Variants in CENPP observed in about 807,000 individuals in gnomAD.
CENPP encodes the protein centromere protein P.
In CENPP, 24 loss-of-function variants were observed where a neutral mutation model predicts 35.6. The ratio of observed to expected loss-of-function variants is 0.67; its 90% CI spans 0.49 to 0.95. CENPP has a LOEUF of 0.95. Among genes scored for constraint, CENPP ranks in the 40% least tolerant of loss-of-function variants. The pLI is 0.00. For synonymous variants in CENPP, 120 were observed against 125.5 expected, an observed-to-expected ratio of 0.96 and a Z score of 0.29; for missense variants, 332 against 345.3, an observed-to-expected ratio of 0.96 and a Z score of 0.31.
intron 2 of CENPP, among the ~76,000 whole-genome samples, chr9:92,334,716 C>T (rs1035940694): frequency 6.6e-6 from 1 of 151,870 alleles, no homozygotes; most frequent in Non-Finnish European, 1.5e-5. Flanking sequence ...CCCATCTCTA[C>T]TAAAAATACA....
At chr9:92,363,777 T>C (rs546574939) in intron 4 of CENPP, among the ~76,000 whole-genome samples, 58 of 152,222 alleles carry the variant, frequency 3.8e-4, no homozygotes, top group Non-Finnish European at 7.8e-4. Context: ...TTCTTCCATA[T>C]TGAGAAACTT....
chr9:92,614,096 ATCGTG>A lies in CENPP; in HGVS notation c.*950_*954del, dbSNP rs984157029. 6.6e-6 allele frequency: 1 copy of A among 152,238 alleles called. No individual in the cohort carries two copies. Among genetic ancestry groups the A allele is most frequent in the African/African-American group, 2.4e-5 (1 of 41,426 alleles). The allele number at this position is 152,238 out of a possible 1,614,324, so 9.4% of individuals were successfully genotyped here. On this transcript the variant is annotated 3_prime_UTR_variant, in exon 8 of 8. Coordinates refer to ENST00000375587, the MANE Select transcript of CENPP (RefSeq NM_001012267.3). ...TCTCCCTCAAATACAGGCTGTTTTC[ATCGTG>A]TCTAGTCCAGCCCTGTCTGGGCCCT... is the stretch of plus-strand genomic sequence containing the variant.
At chr9:92,441,447 A>G (rs948762065) in intron 5 of CENPP, among the ~76,000 whole-genome samples, 1 of 152,176 alleles carries the variant, frequency 6.6e-6, no homozygotes, top group Non-Finnish European at 1.5e-5. Flanking sequence ...GGGGAAATGT[A>G]TAGGTTAAAA....
At chr9:92,515,151 A>G (rs1472681473) in intron 5 of CENPP, 1 of 1,609,902 alleles carries the variant, frequency 6.2e-7, no homozygotes, top group Non-Finnish European at 8.5e-7. Flanking sequence ...AAGAATCACC[A>G]GAAAATTCAT....
At chr9:92,504,496 T>C (rs1186653633) in intron 5 of CENPP, among the ~76,000 whole-genome samples, 1 of 152,118 alleles carries the variant, frequency 6.6e-6, no homozygotes, top group Non-Finnish European at 1.5e-5. Flanking sequence ...TGCCAGTATG[T>C]ATAGACTCTC....
chr9:92,359,411 C>A (rs1039405137), intron 4 of CENPP, among the ~76,000 whole-genome samples: 9 of 151,794 alleles, frequency 5.9e-5, no homozygotes, highest in Non-Finnish European at 1.3e-4. Flanking sequence ...TTTATTTATT[C>A]ATATTTTTGT....
chr9:92,507,416 A>G (rs1054910563), intron 5 of CENPP, among the ~76,000 whole-genome samples: 1 of 152,246 alleles, frequency 6.6e-6, no homozygotes, highest in Admixed American at 6.5e-5. Context: ...ACTGAGAGAA[A>G]AAGAGAGAAA....
intron 5 of CENPP, among the ~76,000 whole-genome samples, chr9:92,592,300 C>T (rs1269404873): frequency 1.3e-5 from 2 of 152,178 alleles, no homozygotes; most frequent in African/African-American, 4.8e-5. Context: ...CCTTTCCATT[C>T]ATTCTCCAGC....
chr9:92,509,110 G>C (rs1187219994), intron 5 of CENPP, among the ~76,000 whole-genome samples: 1 of 151,586 alleles, frequency 6.6e-6, no homozygotes, highest in African/African-American at 2.4e-5. Flanking sequence ...CAGAAGAGGG[G>C]CCATTTCCAG....
At chr9:92,369,807 G>C (rs762121457) in intron 4 of CENPP, among the ~76,000 whole-genome samples, 27 of 152,214 alleles carry the variant, frequency 1.8e-4, no homozygotes. Flanking sequence ...TTTTCCAATT[G>C]GGATGCCTTT....
At chr9:92,512,056 A>G (rs2296667) in intron 5 of CENPP, 608,870 of 1,611,818 alleles carry the variant, frequency 0.38, 121,750 homozygotes, top group African/African-American at 0.71. Flanking sequence ...TATTATTTTT[A>G]CTCAGATCAA....
intron 5 of CENPP, among the ~76,000 whole-genome samples, chr9:92,390,274 T>A (rs1273972413): frequency 6.6e-6 from 1 of 152,178 alleles, no homozygotes; most frequent in Non-Finnish European, 1.5e-5. Flanking sequence ...TCCTAGAATC[T>A]CAGGTTTGAA....
intron 5 of CENPP, among the ~76,000 whole-genome samples, chr9:92,589,200 G>A (rs932809757): frequency 4.0e-5 from 6 of 151,640 alleles, no homozygotes; most frequent in Admixed American, 6.6e-5. Flanking sequence ...TTAGCTGGGC[G>A]TGGTAATGCA....
intron 5 of CENPP, chr9:92,403,495 AT>A (rs1588104764): frequency 3.3e-6 from 5 of 1,495,332 alleles, no homozygotes; most frequent in Non-Finnish European, 4.4e-6. Context: ...GGAAATAAAA[AT>A]TCAGACCATC....
chr9:92,450,158 A>T (rs865846364), intron 5 of CENPP, among the ~76,000 whole-genome samples: 2 of 151,910 alleles, frequency 1.3e-5, no homozygotes, highest in African/African-American at 4.8e-5. Flanking sequence ...GGTAAGTTAC[A>T]TATGTATACA....
chr9:92,351,827 A>G (rs149501335), intron 4 of CENPP, among the ~76,000 whole-genome samples: 4,640 of 151,464 alleles, frequency 0.031, 112 homozygotes, highest in South Asian at 0.079. Flanking sequence ...GTTTTGCCAT[A>G]TTGGCCAGGC....
intron 5 of CENPP, among the ~76,000 whole-genome samples, chr9:92,440,839 A>G (rs913713437): frequency 2.0e-5 from 3 of 152,198 alleles, no homozygotes; most frequent in Non-Finnish European, 4.4e-5. Flanking sequence ...GTCTTGAAAC[A>G]TATCCCCCAA....
chr9:92,582,364 C>T (rs912226032), intron 5 of CENPP, among the ~76,000 whole-genome samples: 3 of 152,040 alleles, frequency 2.0e-5, no homozygotes, highest in Admixed American at 6.6e-5. Flanking sequence ...GGCCCAAAGA[C>T]ACAGTTTTAA....
In CENPP at chr9:92,608,878, G is replaced by T. The variant is rs138026453; in HGVS notation, c.565-2436G>T. On this transcript the variant is annotated intron_variant, in intron 5 of 7. Transcript: ENST00000375587. ...TTTTGCTCACAAGGAGAGGTGAGGA[G>T]AGGCCCAGGGAGGCAGAGAGCTGCT... 3.7e-3 allele frequency among the ~76,000 whole-genome samples: 560 copies of T among 152,346 alleles called. 3 individuals are homozygous for T. The highest frequency in any genetic ancestry group is 9.1e-3 in the South Asian group (44 of 4,830).
Sources: allele counts gnomAD v4.1 joint callset (sites outside exome capture counted in the v4.1 genomes callset), GRCh38; gene constraint gnomAD v4.1.1; transcripts MANE v1.5; gene names NCBI Gene and HGNC (gene_info 2026-07-23, HGNC 2026-07-21).